Variants in GNB5 observed in about 807,000 individuals in gnomAD.
The protein encoded by GNB5 is guanine nucleotide-binding protein subunit beta-5.
GNB5 carries 37 observed loss-of-function variants against 55.3 expected under a neutral mutation model. That is an observed-to-expected ratio of 0.67 (90% CI 0.51 to 0.88). The LOEUF is 0.88. Among genes scored for constraint, GNB5 ranks in the 40% least tolerant of loss-of-function variants. The pLI, the probability that GNB5 is intolerant of heterozygous loss-of-function variation, is 0.00. For missense variants in GNB5, 476 were observed against 515.3 expected, an observed-to-expected ratio of 0.92 and a Z score of 0.74; for synonymous variants, 219 against 198.5, an observed-to-expected ratio of 1.10 and a Z score of -0.87.
In GNB5 at chr15:52,118,539, C is replaced by T. The variant is rs558904478; in HGVS notation, c.*4218G>A. On this transcript the variant is annotated 3_prime_UTR_variant, in exon 13 of 13. Coordinates refer to ENST00000261837, the MANE Select transcript of GNB5 (RefSeq NM_016194.4). The stretch of plus-strand genomic sequence containing the variant: ...TACAATAAATATGGATAGATACAAT[C>T]CACAATGAGCAAGTTATTTGGGGTC... 1 of 152,120 alleles carries T rather than the reference C, an allele frequency of 6.6e-6. No homozygotes were observed. Among genetic ancestry groups the T allele is most frequent in the East Asian group, 1.9e-4 (1 of 5,186 alleles). The allele number at this position is 152,120 out of a possible 1,614,324, so 9.4% of individuals were successfully genotyped here. A position where few individuals can be genotyped will look rare whatever the true frequency, so the allele number is the denominator to read the frequency against.
chr15:52,148,703 A>G (rs2034030262), intron 5 of GNB5, among the ~76,000 whole-genome samples: 1 of 152,200 alleles, frequency 6.6e-6, no homozygotes, highest in Non-Finnish European at 1.5e-5. Flanking sequence ...TTATAATTAC[A>G]TGTGTTTTTG....
rs901376028 is a variant in GNB5 at position 52,115,572 on chromosome 15, T to C, written c.*7185A>G. The C allele has an allele frequency of 6.6e-6, 1 of 152,260 alleles. No individual in the cohort carries two copies. The allele number at this position is 152,260 out of a possible 1,614,324, so 9.4% of individuals were successfully genotyped here. ...TGGTAAATCCTCTGGCAACGGTGAC[T>C]ATGCTCACTTGCCCCATTATCAGCC... On this transcript the variant is annotated 3_prime_UTR_variant, in exon 13 of 13. Coordinates refer to ENST00000261837, the MANE Select transcript of GNB5 (RefSeq NM_016194.4).
chr15:52,156,559 G>A (rs1028032389), intron 3 of GNB5, among the ~76,000 whole-genome samples: 9 of 152,130 alleles, frequency 5.9e-5, no homozygotes, highest in Non-Finnish European at 8.8e-5. Context: ...TGGTGAAACC[G>A]TCTCTACCAA....
At chr15:52,191,100 T>C (rs1566953889) in intron 1 of GNB5, among the ~76,000 whole-genome samples, 1 of 152,204 alleles carries the variant, frequency 6.6e-6, no homozygotes, top group Non-Finnish European at 1.5e-5. Flanking sequence ...GTAAAAAATA[T>C]TGAAATATTT....
chr15:52,152,771 C>T (rs534864946), intron 4 of GNB5, among the ~76,000 whole-genome samples: 1 of 152,228 alleles, frequency 6.6e-6, no homozygotes, highest in Non-Finnish European at 1.5e-5. Context: ...GCTGGCACTA[C>T]AGGCACGCAC....
rs2141177029 is a variant in GNB5, at chr15:52,120,672, G to T, written c.*2085C>A. ...AGAGGGTTGGGGATGCCACCACAAG[G>T]AGGCCAGCTGCACCAGGGGCCACTG... On this transcript the variant is annotated 3_prime_UTR_variant, in exon 13 of 13. Coordinates refer to ENST00000261837, the MANE Select transcript of GNB5 (RefSeq NM_016194.4). 6.6e-6 allele frequency: 1 copy of T among 151,948 alleles called. No homozygotes were observed. Among genetic ancestry groups the T allele is most frequent in the Middle Eastern group, 3.4e-3 (1 of 294 alleles). The allele number at this position is 151,948 out of a possible 1,614,324, so 9.4% of individuals were successfully genotyped here. A position where few individuals can be genotyped will look rare whatever the true frequency, so the allele number is the denominator to read the frequency against.
intron 3 of GNB5, among the ~76,000 whole-genome samples, chr15:52,160,149 T>C (rs533321388): frequency 6.6e-6 from 1 of 152,190 alleles, no homozygotes; most frequent in Admixed American, 6.5e-5. Flanking sequence ...GGTTGCACCA[T>C]GTTGGCCAGG....
At chr15:52,174,187 T>C (rs540103667) in intron 3 of GNB5, among the ~76,000 whole-genome samples, 16 of 152,254 alleles carry the variant, frequency 1.1e-4, no homozygotes, top group Non-Finnish European at 2.2e-4. Flanking sequence ...AAGCAAGAAA[T>C]GGATTCTCCC....
intron 7 of GNB5, among the ~76,000 whole-genome samples, chr15:52,136,151 C>CAT (rs2033711670): frequency 7.3e-6 from 1 of 137,430 alleles, no homozygotes; most frequent in African/African-American, 2.9e-5. Context: ...CACACACACA[C>CAT]ACACACACAC....
chr15:52,190,808 A>C (rs1048171652), intron 1 of GNB5, among the ~76,000 whole-genome samples: 18 of 55,448 alleles, frequency 3.2e-4, no homozygotes, highest in African/African-American at 8.8e-4. Flanking sequence ...AAAAAAAAAA[A>C]AAAAAAAAAA....
At chr15:52,181,849 A>C (rs1301360591) in intron 2 of GNB5, among the ~76,000 whole-genome samples, 2 of 151,990 alleles carry the variant, frequency 1.3e-5, no homozygotes, top group Non-Finnish European at 2.9e-5. Context: ...ATGTATAAAA[A>C]ATATATAAAA....
At chr15:52,144,354 T>C (rs900959566) in intron 6 of GNB5, 1 of 152,270 alleles carries the variant, frequency 6.6e-6, no homozygotes, top group African/African-American at 2.4e-5. Context: ...ATATCTAATA[T>C]TTCAATATTG....
At chr15:52,142,608 C>T (rs2033882409) in intron 6 of GNB5, among the ~76,000 whole-genome samples, 1 of 151,724 alleles carries the variant, frequency 6.6e-6, no homozygotes, top group South Asian at 2.1e-4. Flanking sequence ...CTTGAACGTT[C>T]CTTTACTTTC....
intron 3 of GNB5, among the ~76,000 whole-genome samples, chr15:52,170,709 G>C (rs1447090123): frequency 7.5e-6 from 1 of 133,580 alleles, no homozygotes; most frequent in African/African-American, 3.0e-5. Context: ...CTTAAAAGCT[G>C]AAGAAAAAAA....
Position 52,133,488 on chromosome 15 carries a change from C to G in GNB5, c.772-19G>C, listed in dbSNP as rs756820772. ...CACATCCCTACAAATGAAAATTAGCCAGAGTTATGGCCACTTTAAGGAATG... is the reference window on the plus strand; with the variant it reads ...CACATCCCTACAAATGAAAATTAGCGAGAGTTATGGCCACTTTAAGGAATG... On this transcript the variant is annotated intron_variant, in intron 8 of 12. Coordinates refer to ENST00000261837, the MANE Select transcript of GNB5 (RefSeq NM_016194.4). 6.5e-7 allele frequency: 1 copy of G among 1,530,784 alleles called. No individual in the cohort carries two copies. The highest frequency in any genetic ancestry group is 1.1e-5 in the South Asian group (1 of 89,490). 94.8% of individuals were successfully genotyped at this position (1,530,784 alleles called of 1,614,324 possible).
At chr15:52,129,954 A>G (rs886901276) in intron 9 of GNB5, among the ~76,000 whole-genome samples, 2 of 152,194 alleles carry the variant, frequency 1.3e-5, no homozygotes, top group Non-Finnish European at 2.9e-5. Flanking sequence ...AATGAAAACT[A>G]TATTTCTAGT....
chr15:52,141,708 G>A (rs1043787274), intron 6 of GNB5, among the ~76,000 whole-genome samples: 1 of 152,042 alleles, frequency 6.6e-6, no homozygotes, highest in Non-Finnish European at 1.5e-5. Flanking sequence ...TGAACCATTT[G>A]ACTGCAAACT....
intron 8 of GNB5, among the ~76,000 whole-genome samples, chr15:52,135,404 A>G (rs1305891609): frequency 6.6e-6 from 1 of 152,162 alleles, no homozygotes; most frequent in Non-Finnish European, 1.5e-5. Flanking sequence ...CTCACAGCTT[A>G]GCCCTGTAGC....
At chr15:52,138,050 C>T in intron 7 of GNB5, 1 of 860,646 alleles carries the variant, frequency 1.2e-6, no homozygotes, top group Non-Finnish European at 1.7e-6. Flanking sequence ...ATCTCTCCTC[C>T]TCACCCTTTG....
Sources: gnomAD v4.1 joint callset for allele counts (sites outside exome capture counted in the v4.1 genomes callset) on GRCh38, gnomAD v4.1.1 for gene constraint, MANE v1.5 for transcripts, NCBI Gene and HGNC (gene_info 2026-07-23, HGNC 2026-07-21) for gene names.